Variants in ZNF276 observed in about 807,000 individuals in gnomAD.
ZNF276 encodes the protein centromere protein Z.
Under a neutral mutation model 63.9 loss-of-function variants are expected in ZNF276, and 59 were observed. The observed-to-expected ratio is 0.92, with a 90% CI of 0.75 to 1.15. The LOEUF is 1.15. Ranked by LOEUF, ZNF276 falls within the 50% of genes most tolerant of loss-of-function variation. The probability of loss-of-function intolerance (pLI) is 0.00; values close to 1 mark genes in which losing one functional copy is unlikely to be tolerated. For missense variants in ZNF276, 1,084 were observed against 843.8 expected (o/e 1.28, Z -3.53); for synonymous variants, 496 against 348.4 (o/e 1.42, Z -4.72).
chr16:89,723,937 C>G (rs1267153228), intron 4 of ZNF276, among the ~76,000 whole-genome samples: 1 of 152,238 alleles, frequency 6.6e-6, no homozygotes, highest in African/African-American at 2.4e-5. Context: ...GGGCTCTGTT[C>G]CAGCAGTTTC....
chr16:89,720,959 A>G (rs1268442136), upstream of ZNF276: 2 of 1,138,514 alleles, frequency 1.8e-6, no homozygotes, highest in Non-Finnish European at 2.2e-6. Flanking sequence ...CCGCCCGAGC[A>G]GCGGACCGCA....
chr16:89,723,791 C>G (rs1438552504), intron 4 of ZNF276, 82 bp downstream of exon 4: 1 of 1,386,478 alleles, frequency 7.2e-7, no homozygotes, highest in Non-Finnish European at 9.7e-7. Context: ...GTGAATGTCT[C>G]CACTGCTCTA....
intron 4 of ZNF276, among the ~76,000 whole-genome samples, chr16:89,724,824 A>C (rs542734664): frequency 7.6e-6 from 1 of 132,400 alleles, no homozygotes; most frequent in African/African-American, 2.5e-5. Flanking sequence ...GTATCTATCT[A>C]CCTACCTACC....
intron 6 of ZNF276, chr16:89,732,395 A>G (rs1404527713): frequency 1.3e-5 from 2 of 153,044 alleles, no homozygotes; most frequent in African/African-American, 4.8e-5. Flanking sequence ...CCCAGGGAGC[A>G]TCACCTGTTC....
intron 9 of ZNF276, 101 bp downstream of exon 9, chr16:89,734,139 T>A: frequency 9.0e-7 from 1 of 1,109,560 alleles, no homozygotes; most frequent in Non-Finnish European, 1.3e-6. Flanking sequence ...GAGTTGGGGG[T>A]GCGTGAAGGT....
rs762176786 is a variant in ZNF276, at chr16:89,738,124, A to G, written c.1723A>G (p.Met575Val). Residue 575 changes from methionine to valine, a missense_variant, in exon 11 of 11, where the codon ATG (methionine) becomes GTG (valine). Physicochemically the swap from Met to Val is conservative, Grantham distance 21. Coordinates refer to ENST00000443381, the MANE Select transcript of ZNF276 (RefSeq NM_001113525.2). The stretch of plus-strand genomic sequence containing the variant: ...CCACAACCTCAATGTACACATGTCC[A>G]TGGTGCACCCGCTGACACAGACCCA... ...KAHNLNVHMS[M>V]VHPLTQTQDK... 16 of 1,613,710 alleles carry G rather than the reference A, an allele frequency of 9.9e-6. No homozygotes were observed. The highest frequency in any genetic ancestry group is 5.1e-6 in the Non-Finnish European group (6 of 1,180,046).
chr16:89,723,959 G>A (rs928972770), intron 4 of ZNF276, among the ~76,000 whole-genome samples: 1 of 152,240 alleles, frequency 6.6e-6, no homozygotes, highest in Non-Finnish European at 1.5e-5. Flanking sequence ...GTGGAGACAC[G>A]CTCATCAGCC....
rs1258311819 is a variant in ZNF276 at position 89,739,791 on chromosome 16, C to A, written c.*1545C>A. 6.8e-7 allele frequency: 1 copy of A among 1,466,728 alleles called. No individual in the cohort carries two copies. Among genetic ancestry groups the A allele is most frequent in the Non-Finnish European group, 9.0e-7 (1 of 1,113,084 alleles). The allele number at this position is 1,466,728 out of a possible 1,614,324, so 90.9% of individuals were successfully genotyped here. A position where few individuals can be genotyped will look rare whatever the true frequency, so the allele number is the denominator to read the frequency against. On this transcript the variant is annotated 3_prime_UTR_variant, in exon 11 of 11. Coordinates refer to ENST00000443381, the MANE Select transcript of ZNF276 (RefSeq NM_001113525.2). ...AGAGAGAGGCAGTCCCCATGATAGG[C>A]CCATTGGTCCTGGGGTTGACCAGTG...
intron 9 of ZNF276, among the ~76,000 whole-genome samples, chr16:89,736,568 C>T (rs1305163182): frequency 7.8e-5 from 4 of 51,364 alleles, no homozygotes; most frequent in East Asian, 3.0e-3. Flanking sequence ...CTTCATGATC[C>T]GCCTGCCTTG....
At chr16:89,728,437 T>C (rs1436636191) in intron 5 of ZNF276, among the ~76,000 whole-genome samples, 2 of 152,074 alleles carry the variant, frequency 1.3e-5, no homozygotes, top group African/African-American at 4.8e-5. Context: ...GGAGTCTCGC[T>C]GTGTTGCCCA....
intron 6 of ZNF276, among the ~76,000 whole-genome samples, chr16:89,731,017 A>G (rs2061630028): frequency 6.6e-6 from 1 of 152,202 alleles, no homozygotes; most frequent in African/African-American, 2.4e-5. Context: ...CCCGGTCCGC[A>G]AAGATTCCCG....
Position 89,722,814 on chromosome 16 carries a change from T to C in ZNF276, c.489T>C (p.Gly163=). 1 of 1,604,052 alleles carries C rather than the reference T, an allele frequency of 6.2e-7. No homozygotes were observed. The highest frequency in any genetic ancestry group is 8.5e-7 in the Non-Finnish European group (1 of 1,179,892). ...AGAGGGTCAACGCCTCCCCGGCTGG[T>C]CGCCGGAAGCCTTGTGCAAAGTACG... ...FLQRVNASPA[G]RRKPCAKVGA... Residue 163 remains glycine (G), a synonymous_variant, in exon 2 of 11, where the codon GGT becomes GGC. Coordinates refer to ENST00000443381, the MANE Select transcript of ZNF276 (RefSeq NM_001113525.2).
chr16:89,729,544 C>G (rs1698734706), intron 6 of ZNF276, among the ~76,000 whole-genome samples: 1 of 152,162 alleles, frequency 6.6e-6, no homozygotes, highest in Non-Finnish European at 1.5e-5. Context: ...GACCTGGTCT[C>G]GGCACTGTGA....
chr16:89,722,955 G>A (rs1302436745), intron 2 of ZNF276, 121 bp downstream of exon 2: 10 of 1,556,166 alleles, frequency 6.4e-6, no homozygotes, highest in African/African-American at 5.4e-5. Context: ...GGCCATGCCC[G>A]GGTTCAGTGC....
Position 89,740,753 on chromosome 16 carries a change from T to TG in ZNF276, c.*2508dup. The TG allele has an allele frequency of 6.5e-7, 1 of 1,537,562 alleles. No individual in the cohort carries two copies. Among genetic ancestry groups the TG allele is most frequent in the South Asian group, 1.1e-5 (1 of 88,104 alleles). The stretch of plus-strand genomic sequence containing the variant: ...TTGGAAGCTGGCTGCCTGGTGCCCC[T>TG]GCCTGGCCCACAGTGGGAGAGGACA... On this transcript the variant is annotated 3_prime_UTR_variant, in exon 11 of 11. Transcript: ENST00000443381.
In ZNF276 at chr16:89,721,537, G is replaced by C; in HGVS notation, c.-104G>C. On this transcript the variant is annotated 5_prime_UTR_variant, in exon 1 of 11. Coordinates refer to ENST00000443381, the MANE Select transcript of ZNF276 (RefSeq NM_001113525.2). ...TTGCTTCTCGCTCCGCCCCTCCCCC[G>C]CCCCGCCTCGCTTCCAGCGCGCCGA... The C allele has an allele frequency of 4.1e-6, 4 of 975,744 alleles. No homozygotes were observed. Among genetic ancestry groups the C allele is most frequent in the South Asian group, 1.8e-5 (1 of 56,276 alleles). The allele number at this position is 975,744 out of a possible 1,614,324, so 60.4% of individuals were successfully genotyped here. A position where few individuals can be genotyped will look rare whatever the true frequency, so the allele number is the denominator to read the frequency against.
At position 89,737,532 on chromosome 16, in the gene ZNF276, AAGAC is replaced by A. The variant is rs757695195; in HGVS notation, c.1475-272_1475-269del. On this transcript the variant is annotated intron_variant, in intron 9 of 10. Coordinates refer to ENST00000443381, the MANE Select transcript of ZNF276 (RefSeq NM_001113525.2). ...CGAAACTCCATCTCAAAAAAAAAAA[AAGAC>A]AAGAATCTGTGGTTAAGGAAATAGC... 5.3e-5 allele frequency: 25 copies of A among 473,228 alleles called. No individual in the cohort carries two copies. The East Asian group carries it at 1.0e-3, about 19-fold the overall frequency. 29.3% of individuals were successfully genotyped at this position (473,228 alleles called of 1,614,324 possible). A position where few individuals can be genotyped will look rare whatever the true frequency, so the allele number is the denominator to read the frequency against.
chr16:89,736,176 C>T (rs1328996871), intron 9 of ZNF276, among the ~76,000 whole-genome samples: 1 of 152,212 alleles, frequency 6.6e-6, no homozygotes. Context: ...TAAGCGTGAG[C>T]CATGACGCCT....
At position 89,723,560 on chromosome 16, in the gene ZNF276, C is replaced by T. The variant is rs758335475; in HGVS notation, c.857C>T (p.Ser286Phe). 2.5e-6 allele frequency: 4 copies of T among 1,612,776 alleles called. No homozygotes were observed. Among genetic ancestry groups the T allele is most frequent in the Admixed American group, 1.7e-5 (1 of 60,024 alleles). ...GWNPGDAPQT[S>F]QGRGTGTPVG... is the part of the protein sequence containing the mutation. ...AACCCTGGGGATGCCCCTCAGACCT[C>T]CCAGGGTAGAGGGACAGGGACCCCA... Residue 286 changes from serine to phenylalanine, a missense_variant, in exon 4 of 11, where the codon TCC (serine) becomes TTC (phenylalanine). Physicochemically the swap from Ser to Phe is radical, Grantham distance 155 (BLOSUM62 -2). Coordinates refer to ENST00000443381, the MANE Select transcript of ZNF276 (RefSeq NM_001113525.2).
Sources: allele counts gnomAD v4.1 joint callset (sites outside exome capture counted in the v4.1 genomes callset), GRCh38; gene constraint gnomAD v4.1.1; transcripts MANE v1.5; gene names NCBI Gene and HGNC (gene_info 2026-07-23, HGNC 2026-07-21).